The following CDH12 variants were observed in gnomAD, a reference collection of about 807,000 sequenced individuals.
CDH12 encodes cadherin-12.
In CDH12, 41 loss-of-function variants were observed where a neutral mutation model predicts 74.1. The ratio of observed to expected loss-of-function variants is 0.55; its 90% CI spans 0.43 to 0.72. The LOEUF is 0.72. Ranked by LOEUF, CDH12 falls within the 30% of genes least tolerant of loss-of-function variation. The probability of loss-of-function intolerance (pLI) is 0.00; values close to 1 mark genes in which losing one functional copy is unlikely to be tolerated. For synonymous variants in CDH12, 399 were observed against 355.0 expected, an observed-to-expected ratio of 1.12 and a Z score of -1.39; for missense variants, 945 against 977.2, an observed-to-expected ratio of 0.97 and a Z score of 0.44.
intron 1 of CDH12, among the ~76,000 whole-genome samples, chr5:22,545,646 T>C (rs1487638857): frequency 6.6e-6 from 1 of 152,228 alleles, no homozygotes; most frequent in African/African-American, 2.4e-5. Flanking sequence ...GTAGATGGCA[T>C]ATGTATAATC....
chr5:22,635,449 A>G (rs1738789879), intron 1 of CDH12, among the ~76,000 whole-genome samples: 1 of 152,212 alleles, frequency 6.6e-6, no homozygotes, highest in Admixed American at 6.5e-5. Context: ...TTTCTTAGAT[A>G]GGACACCAAA....
chr5:21,760,363 A>G (rs1164338097), intron 13 of CDH12, among the ~76,000 whole-genome samples, 195 bp downstream of exon 13: 1 of 152,150 alleles, frequency 6.6e-6, no homozygotes, highest in African/African-American at 2.4e-5. Context: ...TTACAATGCA[A>G]GCAACCTGCC....
chr5:22,165,517 C>CACACACACACACATACACAT (rs1748632292), intron 4 of CDH12, among the ~76,000 whole-genome samples: 1 of 150,828 alleles, frequency 6.6e-6, no homozygotes, highest in East Asian at 1.9e-4. Context: ...CACACATACA[C>CACACACACACACATACACAT]ACACACACAC....
In CDH12 at chr5:21,994,710, C is replaced by T. The variant is rs561687385; in HGVS notation, c.232-19325G>A. Among the ~76,000 whole-genome samples the T allele has an allele frequency of 6.6e-5, 10 of 152,234 alleles. No homozygotes were observed. In the East Asian group the frequency reaches 1.5e-3, roughly 24 times the overall value. Reference sequence around the variant, plus strand: ...TCAAAGTGAAATTGAGAGGTGAAGCCGGCTGGGCTTCTGGTCTGGTGAGAC... The same window carrying T: ...TCAAAGTGAAATTGAGAGGTGAAGCTGGCTGGGCTTCTGGTCTGGTGAGAC... On this transcript the variant is annotated intron_variant, in intron 5 of 14. Transcript: ENST00000382254.
chr5:22,357,578 A>G (rs1218666627), intron 3 of CDH12, among the ~76,000 whole-genome samples: 1 of 152,206 alleles, frequency 6.6e-6, no homozygotes, highest in Admixed American at 6.6e-5. Context: ...TTTGTATTTT[A>G]CAATAAAAAA....
At chr5:22,702,283 T>C (rs187446437) in intron 1 of CDH12, among the ~76,000 whole-genome samples, 1 of 152,250 alleles carries the variant, frequency 6.6e-6, no homozygotes, top group East Asian at 1.9e-4. Context: ...CTAGACCCAC[T>C]AACAATGGTA....
intron 3 of CDH12, among the ~76,000 whole-genome samples, chr5:22,262,147 T>C (rs889112422): frequency 3.9e-5 from 6 of 152,004 alleles, no homozygotes; most frequent in Non-Finnish European, 5.9e-5. Flanking sequence ...CTTTAAGTTT[T>C]AGGGTACATG....
intron 3 of CDH12, among the ~76,000 whole-genome samples, chr5:22,300,102 T>G (rs1330192460): frequency 1.3e-5 from 2 of 152,100 alleles, no homozygotes; most frequent in Non-Finnish European, 2.9e-5. Flanking sequence ...GAATAAGAAC[T>G]GAAAGAAATG....
chr5:21,950,930 G>A (rs1755832779), intron 6 of CDH12, among the ~76,000 whole-genome samples: 1 of 150,924 alleles, frequency 6.6e-6, no homozygotes, highest in East Asian at 2.0e-4. Flanking sequence ...GGTACTACAG[G>A]TGCCCACCAC....
chr5:22,020,042 G>A (rs887895919), intron 5 of CDH12, among the ~76,000 whole-genome samples: 7 of 152,136 alleles, frequency 4.6e-5, no homozygotes, highest in Non-Finnish European at 7.3e-5. Context: ...GAGGCTAGGA[G>A]GACTGGAAGA....
intron 9 of CDH12, among the ~76,000 whole-genome samples, chr5:21,806,156 C>A (rs1362179986): frequency 6.6e-6 from 1 of 152,022 alleles, no homozygotes; most frequent in African/African-American, 2.4e-5. Context: ...TTGTTTTTTG[C>A]CACTGAAGGA....
intron 1 of CDH12, among the ~76,000 whole-genome samples, chr5:22,659,626 T>C (rs1467556899): frequency 6.6e-6 from 1 of 152,120 alleles, no homozygotes; most frequent in Non-Finnish European, 1.5e-5. Context: ...TTTGAGCATT[T>C]TCATCAAATG....
chr5:22,644,088 C>G (rs1023006232), intron 1 of CDH12, among the ~76,000 whole-genome samples: 1 of 151,966 alleles, frequency 6.6e-6, no homozygotes, highest in Non-Finnish European at 1.5e-5. Flanking sequence ...GCTCCGTATT[C>G]CCTGAGACAC....
intron 4 of CDH12, among the ~76,000 whole-genome samples, chr5:22,127,858 G>A (rs1279856861): frequency 6.6e-6 from 1 of 152,058 alleles, no homozygotes; most frequent in Non-Finnish European, 1.5e-5. Flanking sequence ...GATAATTGAA[G>A]ATACAAGCAG....
chr5:21,797,135 C>T (rs181727230), intron 10 of CDH12, among the ~76,000 whole-genome samples: 23 of 152,018 alleles, frequency 1.5e-4, no homozygotes, highest in African/African-American at 2.7e-4. Flanking sequence ...TTCTTCAAAA[C>T]GGGCTCAGTC....
chr5:22,095,873 A>T (rs1420401437), intron 4 of CDH12, among the ~76,000 whole-genome samples: 4 of 147,296 alleles, frequency 2.7e-5, no homozygotes, highest in Non-Finnish European at 6.0e-5. Flanking sequence ...CCGTGCCCCG[A>T]CCTCTTATCT....
intron 1 of CDH12, among the ~76,000 whole-genome samples, chr5:22,521,868 C>A (rs908759495): frequency 6.6e-6 from 1 of 152,122 alleles, no homozygotes; most frequent in African/African-American, 2.4e-5. Flanking sequence ...GTGGATACCT[C>A]CAAATAGAGT....
chr5:22,276,628 T>G (rs777590646), intron 3 of CDH12, among the ~76,000 whole-genome samples: 18 of 152,228 alleles, frequency 1.2e-4, no homozygotes, highest in Non-Finnish European at 2.5e-4. Flanking sequence ...ATAATAGTTA[T>G]GTTTATTTAA....
At chr5:22,093,079 G>A (rs567848283) in intron 4 of CDH12, among the ~76,000 whole-genome samples, 15 of 152,246 alleles carry the variant, frequency 9.9e-5, no homozygotes, top group South Asian at 2.1e-4. Context: ...GTTCAGAGAG[G>A]TGGTTTACAC....
Sources: allele counts gnomAD v4.1 joint callset (sites outside exome capture counted in the v4.1 genomes callset), GRCh38; gene constraint gnomAD v4.1.1; transcripts MANE v1.5; gene names NCBI Gene and HGNC (gene_info 2026-07-23, HGNC 2026-07-21).